NAV2: variants seen among roughly 807,000 people sequenced by gnomAD.
NAV2 encodes the protein helicase, APC down-regulated 1.
Under a neutral mutation model 223.2 loss-of-function variants are expected in NAV2, and 54 were observed. The ratio of observed to expected loss-of-function variants is 0.24; its 90% confidence interval spans 0.19 to 0.30. The LOEUF (loss-of-function observed/expected upper bound fraction) is 0.30, where lower values mean the gene tolerates loss of function less well. Ranked by LOEUF, NAV2 falls within the 10% of genes least tolerant of loss-of-function variation. NAV2 has a pLI of 1.00. For missense variants in NAV2, 2,806 were observed against 3,147.5 expected, an observed-to-expected ratio of 0.89 and a Z score of 2.60; for synonymous variants, 1,279 against 1,239.3, an observed-to-expected ratio of 1.03 and a Z score of -0.67.
intron 1 of NAV2, among the ~76,000 whole-genome samples, chr11:19,800,263 C>T (rs1229725963): frequency 1.3e-5 from 2 of 152,158 alleles, no homozygotes; most frequent in Non-Finnish European, 2.9e-5. Context: ...CCACTTCTGA[C>T]AAGCCTGGGC....
intron 1 of NAV2, among the ~76,000 whole-genome samples, chr11:19,759,407 T>C (rs974144883): frequency 6.6e-6 from 1 of 152,168 alleles, no homozygotes; most frequent in Admixed American, 6.5e-5. Flanking sequence ...ACTTTAATGA[T>C]AATCTTGTCT....
intron 19 of NAV2, among the ~76,000 whole-genome samples, chr11:20,061,414 A>T: frequency 6.6e-6 from 1 of 152,160 alleles, no homozygotes; most frequent in East Asian, 1.9e-4. Flanking sequence ...TACTAAAAAT[A>T]CAAAACTAGC....
At chr11:19,609,940 G>A (rs186943488) in intron 1 of NAV2, among the ~76,000 whole-genome samples, 1 of 152,338 alleles carries the variant, frequency 6.6e-6, no homozygotes, top group East Asian at 1.9e-4. Context: ...ATATGCAGAA[G>A]TCAACTAATC....
At chr11:19,399,925 A>G (rs1325617591) in intron 1 of NAV2, among the ~76,000 whole-genome samples, 1 of 152,304 alleles carries the variant, frequency 6.6e-6, no homozygotes, top group African/African-American at 2.4e-5. Context: ...GGCTTCAGGA[A>G]TAGATTGTTG....
rs1320009392 is a variant in NAV2 at position 19,962,680 on chromosome 11, T to C, written c.2645+13600T>C. Among the ~76,000 whole-genome samples, 3 of 152,198 alleles carry C rather than the reference T, an allele frequency of 2.0e-5. No homozygotes were observed. The East Asian group carries it at 5.8e-4, about 29-fold the overall frequency. On this transcript the variant is annotated intron_variant, in intron 10 of 37. Transcript: ENST00000349880. ...GAAATGGAGGTTTTGACCTTTCCTC[T>C]TAATCCTGAAATAACTGCAGAGTGA...
intron 5 of NAV2, among the ~76,000 whole-genome samples, chr11:19,880,381 C>T (rs2063126026): frequency 6.6e-6 from 1 of 152,172 alleles, no homozygotes; most frequent in Non-Finnish European, 1.5e-5. Context: ...TGCTATTACT[C>T]CGGCCTATTA....
At chr11:19,770,530 G>A (rs2055632542) in intron 1 of NAV2, among the ~76,000 whole-genome samples, 1 of 152,118 alleles carries the variant, frequency 6.6e-6, no homozygotes, top group Non-Finnish European at 1.5e-5. Context: ...GAGTCCTCAG[G>A]CCCCGGATGT....
intron 1 of NAV2, among the ~76,000 whole-genome samples, chr11:19,610,013 C>G (rs901561485): frequency 3.3e-5 from 5 of 152,200 alleles, no homozygotes; most frequent in Admixed American, 6.5e-5. Flanking sequence ...GAACACTAAG[C>G]TAGGGGCTCT....
At chr11:20,023,520 G>A (rs1186521666) in intron 11 of NAV2, among the ~76,000 whole-genome samples, 6 of 152,082 alleles carry the variant, frequency 3.9e-5, no homozygotes, top group Admixed American at 1.3e-4. Flanking sequence ...TCGTTATTCC[G>A]GACTTTTCAG....
At chr11:19,659,480 G>A (rs2048216609) in intron 1 of NAV2, among the ~76,000 whole-genome samples, 1 of 152,168 alleles carries the variant, frequency 6.6e-6, no homozygotes, top group African/African-American at 2.4e-5. Flanking sequence ...GATATTAAAA[G>A]ATGACTTTGG....
intron 1 of NAV2, among the ~76,000 whole-genome samples, chr11:19,493,148 C>T (rs1235304397): frequency 6.6e-6 from 1 of 152,116 alleles, no homozygotes; most frequent in East Asian, 1.9e-4. Context: ...GGCTAGCAAT[C>T]CTTCTCTACT....
chr11:19,877,280 C>T (rs1028160885), intron 4 of NAV2, among the ~76,000 whole-genome samples: 5 of 151,892 alleles, frequency 3.3e-5, no homozygotes, highest in African/African-American at 9.7e-5. Flanking sequence ...AATAATAGCT[C>T]TTATTGTTAT....
At chr11:19,638,616 T>C (rs1250393819) in intron 1 of NAV2, among the ~76,000 whole-genome samples, 3 of 152,252 alleles carry the variant, frequency 2.0e-5, no homozygotes, top group Non-Finnish European at 4.4e-5. Flanking sequence ...TAAAGTATTT[T>C]CTATTATCAT....
At chr11:20,078,190 C>G (rs2059880502) in intron 24 of NAV2, 86 bp downstream of exon 24, 2 of 933,504 alleles carry the variant, frequency 2.1e-6, no homozygotes, top group South Asian at 2.9e-5. Flanking sequence ...AACCTCCTTG[C>G]TAGAAGACAG....
intron 1 of NAV2, among the ~76,000 whole-genome samples, chr11:19,553,493 T>A (rs11025183): frequency 6.7e-6 from 1 of 148,430 alleles, no homozygotes; most frequent in Non-Finnish European, 1.5e-5. Context: ...TGAGCACCAA[T>A]ATACAGTAAT....
At chr11:19,711,996 A>T (rs2152308786), upstream of NAV2, 1 of 152,386 alleles carries the variant, frequency 6.6e-6, no homozygotes, top group South Asian at 2.1e-4. Context: ...GGCCTGCCTG[A>T]TCATCTCTCA....
chr11:19,840,994 A>C (rs1034799436), intron 2 of NAV2, among the ~76,000 whole-genome samples: 2 of 152,208 alleles, frequency 1.3e-5, no homozygotes, highest in South Asian at 4.1e-4. Flanking sequence ...AAGAACAAAC[A>C]TCTATGAGTT....
intron 1 of NAV2, among the ~76,000 whole-genome samples, chr11:19,422,177 C>T (rs1485910052): frequency 1.3e-5 from 2 of 152,190 alleles, no homozygotes; most frequent in Non-Finnish European, 2.9e-5. Flanking sequence ...CTCTGAGGAG[C>T]CATCCCTCAT....
At chr11:19,728,108 ATG>A (rs1796509708) in intron 1 of NAV2, among the ~76,000 whole-genome samples, 1 of 152,144 alleles carries the variant, frequency 6.6e-6, no homozygotes, top group African/African-American at 2.4e-5. Flanking sequence ...GTGTGCATGC[ATG>A]TGTTTGTGTT....
Sources: gnomAD v4.1 joint callset for allele counts (sites outside exome capture counted in the v4.1 genomes callset) on GRCh38, gnomAD v4.1.1 for gene constraint, MANE v1.5 for transcripts, NCBI Gene and HGNC (gene_info 2026-07-23, HGNC 2026-07-21) for gene names.